The following HTR4 variants were observed in gnomAD, a reference collection of about 807,000 sequenced individuals.
The protein encoded by HTR4 is 5-hydroxytryptamine (serotonin) receptor 4, G protein-coupled.
Under a neutral mutation model 36.8 loss-of-function variants are expected in HTR4, and 16 were observed. The observed-to-expected ratio is 0.43, with a 90% CI of 0.29 to 0.66. HTR4 has a LOEUF of 0.66. Ranked by LOEUF, HTR4 falls within the 30% of genes least tolerant of loss-of-function variation. The pLI, the probability that HTR4 is intolerant of heterozygous loss-of-function variation, is 0.13. For synonymous variants in HTR4, 189 were observed against 185.1 expected (o/e 1.02, Z -0.17); for missense variants, 438 against 490.9 (o/e 0.89, Z 1.02).
chr5:148,510,588 C>T (rs989477908), intron 5 of HTR4, among the ~76,000 whole-genome samples: 6 of 152,222 alleles, frequency 3.9e-5, no homozygotes, highest in African/African-American at 1.4e-4. Context: ...GAAAGATCTA[C>T]TAATTCTAAA....
chr5:148,587,694 A>T (rs73270405), intron 2 of HTR4, among the ~76,000 whole-genome samples: 2,906 of 152,174 alleles, frequency 0.019, 88 homozygotes, highest in African/African-American at 0.065. Context: ...CTTTCCAAGC[A>T]GGGTGTGTGG....
chr5:148,507,906 C>T (rs1026361010), intron 6 of HTR4, among the ~76,000 whole-genome samples: 36 of 152,288 alleles, frequency 2.4e-4, no homozygotes, highest in African/African-American at 7.9e-4. Context: ...AGTTCTTGTA[C>T]ACACACTTTA....
At chr5:148,460,260 A>C (rs1022673629) in intron 5 of HTR4, among the ~76,000 whole-genome samples, 11 of 152,122 alleles carry the variant, frequency 7.2e-5, no homozygotes, top group African/African-American at 2.7e-4. Context: ...TTCCCTGCAA[A>C]TGAATGTCAG....
chr5:148,482,921 A>G lies in HTR4; in HGVS notation c.*282T>C, dbSNP rs756805411. 17 of 1,324,198 alleles carry G rather than the reference A, an allele frequency of 1.3e-5. No individual in the cohort carries two copies. The highest frequency in any genetic ancestry group is 1.7e-5 in the Non-Finnish European group (17 of 1,029,726). The allele number at this position is 1,324,198 out of a possible 1,614,324, so 82.0% of individuals were successfully genotyped here. A position where few individuals can be genotyped will look rare whatever the true frequency, so the allele number is the denominator to read the frequency against. ...ATCAGACACAGTGAGTGACGGGAAC[A>G]TGTCAGAGACACCAGAGACCACGCG... is the stretch of plus-strand genomic sequence containing the variant. On this transcript the variant is annotated 3_prime_UTR_variant, in exon 7 of 7. Coordinates refer to ENST00000377888, the MANE Select transcript of HTR4 (RefSeq NM_000870.7).
intron 5 of HTR4, among the ~76,000 whole-genome samples, chr5:148,466,764 G>T (rs937394037): frequency 3.3e-5 from 5 of 152,236 alleles, no homozygotes; most frequent in African/African-American, 1.2e-4. Context: ...ATAAATATCA[G>T]CTAGCATCAT....
In HTR4 at chr5:148,491,476, T is replaced by A. The variant is rs572653643; in HGVS notation, c.1077-8183A>T. On this transcript the variant is annotated intron_variant, in intron 6 of 6. Transcript: ENST00000377888. Reference sequence around the variant, plus strand: ...CTGTTGTAAAGCTCAGAGGACTAGTTTGAAGCAGGGTTTCTTAACCTCGGC... The same window carrying A: ...CTGTTGTAAAGCTCAGAGGACTAGTATGAAGCAGGGTTTCTTAACCTCGGC... 3.3e-5 allele frequency among the ~76,000 whole-genome samples: 5 copies of A among 152,246 alleles called. No individual in the cohort carries two copies. The East Asian group carries it at 9.7e-4, about 29-fold the overall frequency.
chr5:148,473,326 G>C (rs1480965757), downstream of HTR4, among the ~76,000 whole-genome samples: 1 of 149,306 alleles, frequency 6.7e-6, no homozygotes, highest in Non-Finnish European at 1.5e-5. Flanking sequence ...AAAAGAGGTA[G>C]AAGATAGCCG....
intron 4 of HTR4, among the ~76,000 whole-genome samples, chr5:148,539,750 G>A (rs1006830676): frequency 6.6e-6 from 1 of 152,098 alleles, no homozygotes; most frequent in Non-Finnish European, 1.5e-5. Flanking sequence ...AGGAAAAAAG[G>A]GAACATTTAT....
At chr5:148,575,700 A>G (rs1191946505) in intron 2 of HTR4, among the ~76,000 whole-genome samples, 3 of 152,138 alleles carry the variant, frequency 2.0e-5, no homozygotes, top group African/African-American at 7.2e-5. Flanking sequence ...AATAAACTAT[A>G]GTCATAAAAT....
rs986666028 is a variant in HTR4 at position 148,507,917 on chromosome 5, T to C, written c.1076+1539A>G. Among the ~76,000 whole-genome samples, 32 of 152,316 alleles carry C rather than the reference T, an allele frequency of 2.1e-4. 1 individual carries two copies. The highest frequency in any genetic ancestry group is 7.0e-4 in the African/African-American group (29 of 41,580). On this transcript the variant is annotated intron_variant, in intron 6 of 6. Transcript: ENST00000377888. ...CAGAAGTTCTTGTACACACACTTTA[T>C]GGTTGAATTCTTTCTATGACACTCC...
At chr5:148,569,514 AT>A (rs1221766330) in intron 2 of HTR4, among the ~76,000 whole-genome samples, 1 of 152,030 alleles carries the variant, frequency 6.6e-6, no homozygotes, top group Non-Finnish European at 1.5e-5. Context: ...ACTTAAAATA[AT>A]TTTTTAAATG....
At chr5:148,557,068 G>T (rs922693951) in intron 2 of HTR4, among the ~76,000 whole-genome samples, 1 of 152,190 alleles carries the variant, frequency 6.6e-6, no homozygotes, top group African/African-American at 2.4e-5. Flanking sequence ...CAGACAAGTA[G>T]TCGGAAGCCA....
At chr5:148,502,782 G>A (rs1329199391) in intron 6 of HTR4, among the ~76,000 whole-genome samples, 12 of 152,204 alleles carry the variant, frequency 7.9e-5, no homozygotes, top group African/African-American at 2.9e-4. Context: ...AATAACCAGT[G>A]TGGAGTAGTC....
At chr5:148,468,359 T>G (rs1250323793) in intron 5 of HTR4, among the ~76,000 whole-genome samples, 2 of 152,314 alleles carry the variant, frequency 1.3e-5, no homozygotes, top group East Asian at 3.9e-4. Context: ...CTTTCCTCAT[T>G]ACTTCTATCT....
intron 4 of HTR4, among the ~76,000 whole-genome samples, chr5:148,528,315 T>A (rs1292726566): frequency 6.6e-6 from 1 of 152,092 alleles, no homozygotes; most frequent in Non-Finnish European, 1.5e-5. Flanking sequence ...GATTTTTGAG[T>A]GGGATTGAGT....
At chr5:148,598,958 G>T (rs1298449213) in intron 2 of HTR4, among the ~76,000 whole-genome samples, 1 of 152,024 alleles carries the variant, frequency 6.6e-6, no homozygotes, top group Non-Finnish European at 1.5e-5. Flanking sequence ...GTAAATTCTA[G>T]AATTTTAAAA....
At chr5:148,583,683 C>T (rs902790832) in intron 2 of HTR4, among the ~76,000 whole-genome samples, 7 of 151,404 alleles carry the variant, frequency 4.6e-5, no homozygotes, top group African/African-American at 9.7e-5. Context: ...AAAGAAGAAA[C>T]ACAAAAGTGT....
rs1318132742 is a variant in HTR4 at position 148,540,019 on chromosome 5, A to C, written c.353+8649T>G. 5.3e-5 allele frequency among the ~76,000 whole-genome samples: 8 copies of C among 152,264 alleles called. No homozygotes were observed. In the East Asian group the frequency reaches 1.4e-3, roughly 26 times the overall value. On this transcript the variant is annotated intron_variant, in intron 4 of 6. Transcript: ENST00000377888. ...GATAACAAAAATGTGGTACATATAC[A>C]CTATGGAATACTATGCAGCCATGAA...
intron 2 of HTR4, among the ~76,000 whole-genome samples, chr5:148,617,979 C>T (rs1170506534): frequency 6.6e-6 from 1 of 152,320 alleles, no homozygotes; most frequent in South Asian, 2.1e-4. Context: ...CCCACTGTCT[C>T]TCAGCAATTC....
Sources: gnomAD v4.1 joint callset for allele counts (sites outside exome capture counted in the v4.1 genomes callset) on GRCh38, gnomAD v4.1.1 for gene constraint, MANE v1.5 for transcripts, NCBI Gene and HGNC (gene_info 2026-07-23, HGNC 2026-07-21) for gene names.